The following FOXP1 variants were observed in gnomAD, a reference collection of about 807,000 sequenced individuals.
FOXP1 encodes the protein forkhead box P1.
FOXP1 carries 15 observed loss-of-function variants against 98.2 expected under a neutral mutation model. The observed-to-expected ratio is 0.15, with a 90% confidence interval of 0.10 to 0.24. FOXP1 has a LOEUF of 0.24. FOXP1 is among the 10% of genes least tolerant of loss of function. The pLI, the probability that FOXP1 is intolerant of heterozygous loss-of-function variation, is 1.00. For missense variants in FOXP1, 633 were observed against 848.5 expected (o/e 0.75, Z 3.15); for synonymous variants, 371 against 314.5 (o/e 1.18, Z -1.90).
intron 2 of FOXP1, among the ~76,000 whole-genome samples, chr3:71,555,694 C>A (rs976405904): frequency 6.6e-6 from 1 of 152,140 alleles, no homozygotes; most frequent in African/African-American, 2.4e-5. Context: ...ATAATCAACA[C>A]TTAATATTGC....
At chr3:71,459,347 G>A (rs948308175) in intron 3 of FOXP1, among the ~76,000 whole-genome samples, 2 of 152,176 alleles carry the variant, frequency 1.3e-5, no homozygotes, top group Admixed American at 1.3e-4. Flanking sequence ...TATAAACAAA[G>A]CAAGTTACAA....
At chr3:71,325,210 A>C (rs1231830284) in intron 4 of FOXP1, among the ~76,000 whole-genome samples, 5 of 151,720 alleles carry the variant, frequency 3.3e-5, no homozygotes, top group African/African-American at 9.7e-5. Context: ...AAACCACCAC[A>C]CCCGGATAAT....
chr3:71,392,896 C>T (rs1414047235), intron 3 of FOXP1, among the ~76,000 whole-genome samples: 1 of 152,120 alleles, frequency 6.6e-6, no homozygotes, highest in Non-Finnish European at 1.5e-5. Context: ...AAAGTATCTT[C>T]ACATTTTACA....
At chr3:71,100,340 G>A (rs1186911213) in intron 7 of FOXP1, among the ~76,000 whole-genome samples, 1 of 152,150 alleles carries the variant, frequency 6.6e-6, no homozygotes. Context: ...ATCCCTTTAC[G>A]CTCTCAAACA....
At chr3:71,228,005 T>C (rs1054263487) in intron 5 of FOXP1, among the ~76,000 whole-genome samples, 3 of 105,090 alleles carry the variant, frequency 2.9e-5, no homozygotes, top group African/African-American at 7.5e-5. Flanking sequence ...CAAATCAATA[T>C]CATGGTGGGG....
chr3:71,571,564 A>G (rs1174464989), intron 2 of FOXP1: 1 of 152,224 alleles, frequency 6.6e-6, no homozygotes, highest in Non-Finnish European at 1.5e-5. Flanking sequence ...AGTTTTTCCA[A>G]TCTTCCCTGG....
At chr3:70,981,191 C>CAAAAAAAAAAAAAAAAAAAA (rs71104406) in intron 14 of FOXP1, among the ~76,000 whole-genome samples, 1 of 59,954 alleles carries the variant, frequency 1.7e-5, no homozygotes, top group Non-Finnish European at 3.5e-5. Context: ...CTCTTTCTAC[C>CAAAAAAAAAAAAAAAAAAAA]AAAAAAAAAA....
intron 4 of FOXP1, among the ~76,000 whole-genome samples, chr3:71,324,842 G>A (rs138964111): frequency 3.3e-5 from 5 of 152,168 alleles, no homozygotes; most frequent in South Asian, 4.2e-4. Flanking sequence ...AAGCGGTTGC[G>A]AACTCTAAAG....
chr3:71,202,546 AG>A (rs1420789000), intron 5 of FOXP1, among the ~76,000 whole-genome samples: 1 of 152,204 alleles, frequency 6.6e-6, no homozygotes, highest in Non-Finnish European at 1.5e-5. Flanking sequence ...CAAGGCTAGG[AG>A]GGAGATAAGG....
chr3:71,301,053 T>C (rs1461658347), intron 4 of FOXP1, among the ~76,000 whole-genome samples: 1 of 152,138 alleles, frequency 6.6e-6, no homozygotes, highest in Admixed American at 6.5e-5. Flanking sequence ...ATTCTTGCCA[T>C]TAAGATTGGA....
chr3:71,476,808 T>C (rs920180265), intron 3 of FOXP1, among the ~76,000 whole-genome samples: 2 of 152,018 alleles, frequency 1.3e-5, no homozygotes, highest in African/African-American at 4.8e-5. Context: ...CGGGCCGCAT[T>C]GATGGTTTTC....
At chr3:71,224,393 G>A (rs1161854047) in intron 5 of FOXP1, among the ~76,000 whole-genome samples, 1 of 152,156 alleles carries the variant, frequency 6.6e-6, no homozygotes, top group Non-Finnish European at 1.5e-5. Context: ...GCAGAAGAAG[G>A]GATAAGGGAG....
intron 6 of FOXP1, among the ~76,000 whole-genome samples, chr3:71,171,941 C>T (rs894891973): frequency 3.9e-5 from 6 of 152,164 alleles, no homozygotes. Context: ...AGTTTATTTG[C>T]AGAAAAGGCA....
intron 13 of FOXP1, among the ~76,000 whole-genome samples, chr3:70,993,214 T>G (rs2040873221): frequency 6.6e-6 from 1 of 152,236 alleles, no homozygotes; most frequent in African/African-American, 2.4e-5. Context: ...TCTTAGAGCT[T>G]ACAATTCCTG....
intron 3 of FOXP1, among the ~76,000 whole-genome samples, chr3:71,422,751 C>T (rs1158416534): frequency 6.6e-6 from 1 of 152,088 alleles, no homozygotes; most frequent in Non-Finnish European, 1.5e-5. Flanking sequence ...AGGGGACAAA[C>T]TTAACCAATG....
At chr3:71,150,889 G>A (rs2060538458) in intron 6 of FOXP1, among the ~76,000 whole-genome samples, 2 of 152,036 alleles carry the variant, frequency 1.3e-5, no homozygotes, top group Non-Finnish European at 2.9e-5. Flanking sequence ...CCAGGATACT[G>A]GCCCTGTGAA....
At chr3:71,403,621 G>A (rs2082091237) in intron 3 of FOXP1, among the ~76,000 whole-genome samples, 1 of 152,218 alleles carries the variant, frequency 6.6e-6, no homozygotes, top group South Asian at 2.1e-4. Context: ...GGCCAAGGTG[G>A]GTGGATCACT....
At chr3:71,105,771 GAGACACACACGCACAGGCACACACAC>G (rs1400291603) in intron 7 of FOXP1, among the ~76,000 whole-genome samples, 2 of 151,892 alleles carry the variant, frequency 1.3e-5, no homozygotes, top group African/African-American at 4.8e-5. Flanking sequence ...GACACACACA[GAGACACACACGCACAGGCACACACAC>G]AGACAAATAA....
intron 3 of FOXP1, among the ~76,000 whole-genome samples, chr3:71,460,155 C>G (rs1326216766): frequency 6.6e-6 from 1 of 151,946 alleles, no homozygotes; most frequent in Non-Finnish European, 1.5e-5. Context: ...AGGATGGTCT[C>G]AATCTCCTGA....
Sources: allele counts gnomAD v4.1 joint callset (sites outside exome capture counted in the v4.1 genomes callset), GRCh38; gene constraint gnomAD v4.1.1; transcripts MANE v1.5; gene names NCBI Gene and HGNC (gene_info 2026-07-23, HGNC 2026-07-21).